The following PCBP2 variants were observed in gnomAD, a reference collection of about 807,000 sequenced individuals.
PCBP2 encodes the protein poly(rC)-binding protein 2.
PCBP2 carries 4 observed loss-of-function variants against 50.1 expected under a neutral mutation model. The ratio of observed to expected loss-of-function variants is 0.08; its 90% CI spans 0.04 to 0.18. The LOEUF is 0.18. Ranked by LOEUF, PCBP2 falls within the 10% of genes least tolerant of loss-of-function variation. PCBP2 has a pLI of 1.00. For missense variants in PCBP2, 161 were observed against 474.3 expected, an observed-to-expected ratio of 0.34 and a Z score of 6.14; for synonymous variants, 179 against 168.0, an observed-to-expected ratio of 1.07 and a Z score of -0.51.
intron 6 of PCBP2, chr12:53,460,414 C>T (rs757684601): frequency 2.2e-5 from 8 of 368,716 alleles, no homozygotes; most frequent in Admixed American, 9.5e-5. Context: ...CCAAAGTGCT[C>T]GGATTACAGA....
intron 10 of PCBP2, 127 bp from the exon 11 acceptor site, chr12:53,467,094 C>T: frequency 4.5e-6 from 3 of 668,578 alleles, no homozygotes; most frequent in Admixed American, 5.0e-5. Flanking sequence ...CCCATCCCTA[C>T]CCTCTGTTGT....
intron 7 of PCBP2, among the ~76,000 whole-genome samples, chr12:53,461,562 A>C (rs1312410295): frequency 1.3e-5 from 2 of 152,148 alleles, no homozygotes; most frequent in Non-Finnish European, 2.9e-5. Context: ...AGAGTAGAAA[A>C]ATGTATGTAT....
At chr12:53,469,760 CTT>C (rs71444805) in intron 13 of PCBP2, among the ~76,000 whole-genome samples, 8 of 114,140 alleles carry the variant, frequency 7.0e-5, no homozygotes, top group African/African-American at 1.0e-4. Context: ...ACATTTGCTG[CTT>C]TTTTTTTTTT....
At chr12:53,462,081 T>C (rs1399518355) in intron 7 of PCBP2, among the ~76,000 whole-genome samples, 7 of 152,246 alleles carry the variant, frequency 4.6e-5, no homozygotes, top group African/African-American at 1.7e-4. Flanking sequence ...AGATAGTGTC[T>C]GTATTATTCT....
Position 53,479,935 on chromosome 12 carries a change from A to G in PCBP2, c.*493A>G, listed in dbSNP as rs1231833157. 1 of 152,154 alleles carries G rather than the reference A, an allele frequency of 6.6e-6. No homozygotes were observed. Among genetic ancestry groups the G allele is most frequent in the Non-Finnish European group, 1.5e-5 (1 of 68,108 alleles). The allele number at this position is 152,154 out of a possible 1,614,324, so 9.4% of individuals were successfully genotyped here. On this transcript the variant is annotated 3_prime_UTR_variant, in exon 15 of 15. Transcript: ENST00000546463. ...TGAATGGAAGCCTTTATTCCGGTTA[A>G]GATGTTTTCTTCTATTTTACCACTT...
intron 5 of PCBP2, among the ~76,000 whole-genome samples, chr12:53,456,763 A>G (rs1357221745): frequency 1.3e-5 from 2 of 152,142 alleles, no homozygotes; most frequent in African/African-American, 4.8e-5. Flanking sequence ...TTTTTCCCCC[A>G]CCAACCTTCA....
At chr12:53,463,032 C>T (rs539002334) in intron 8 of PCBP2, among the ~76,000 whole-genome samples, 71 of 152,322 alleles carry the variant, frequency 4.7e-4, no homozygotes, top group Non-Finnish European at 8.5e-4. Context: ...TACCCCTTCA[C>T]TCCCAAACTC....
chr12:53,461,190 G>A, intron 7 of PCBP2, 47 bp downstream of exon 7: 3 of 1,598,604 alleles, frequency 1.9e-6, no homozygotes, highest in Non-Finnish European at 2.6e-6. Context: ...GCCATTCTGG[G>A]GACAGAGGGA....
At chr12:53,468,576 T>G (rs1941979387) in intron 12 of PCBP2, 1 of 576,744 alleles carries the variant, frequency 1.7e-6, no homozygotes, top group Non-Finnish European at 3.1e-6. Flanking sequence ...CTCTTCTGAG[T>G]GTACAGAAGA....
rs1940564769 is a variant in PCBP2, at chr12:53,452,142, G to GCGCCCTCTCCCGCC, written c.-304_-291dup. 1 of 144,072 alleles carries GCGCCCTCTCCCGCC rather than the reference G, an allele frequency of 6.9e-6. No homozygotes were observed. The highest frequency in any genetic ancestry group is 1.5e-5 in the Non-Finnish European group (1 of 65,160). 8.9% of individuals were successfully genotyped at this position (144,072 alleles called of 1,614,324 possible). On this transcript the variant is annotated 5_prime_UTR_variant, in exon 1 of 15. Coordinates refer to ENST00000546463, the MANE Select transcript of PCBP2 (RefSeq NM_031989.5). ...GCAGCAGCCGGAGCAGCCGCAGCCT[G>GCGCCCTCTCCCGCC]CGCCCTCTCCCGCCCGCCCGCCCTC...
At chr12:53,479,264 C>A in intron 14 of PCBP2, 142 bp from the exon 15 acceptor site, 1 of 711,184 alleles carries the variant, frequency 1.4e-6, no homozygotes, top group Non-Finnish European at 2.5e-6. Flanking sequence ...GATCATGGTA[C>A]TGGTAAATTT....
intron 10 of PCBP2, 45 bp downstream of exon 10, chr12:53,466,018 A>G: frequency 6.4e-7 from 1 of 1,567,894 alleles, no homozygotes; most frequent in Non-Finnish European, 8.8e-7. Context: ...TCCCTCTCCC[A>G]TCCAAAATTG....
chr12:53,475,411 G>A (rs1260621928), intron 14 of PCBP2: 2 of 321,888 alleles, frequency 6.2e-6, no homozygotes, highest in African/African-American at 2.2e-5. Flanking sequence ...CCTGTTTCAG[G>A]GTCTGACTTG....
At position 53,479,510 on chromosome 12, in the gene PCBP2, T is replaced by C; in HGVS notation, c.*68T>C. 5.8e-6 allele frequency: 8 copies of C among 1,384,146 alleles called. No individual in the cohort carries two copies. The highest frequency in any genetic ancestry group is 8.2e-6 in the Non-Finnish European group (8 of 974,230). 85.7% of individuals were successfully genotyped at this position (1,384,146 alleles called of 1,614,324 possible). ...CCACCCATGATCCATCTGTGTAGTT[T>C]CTGAACAGTCAGCGATTCCAGGTTT... On this transcript the variant is annotated 3_prime_UTR_variant, in exon 15 of 15. Coordinates refer to ENST00000546463, the MANE Select transcript of PCBP2 (RefSeq NM_031989.5).
At chr12:53,456,949 C>A (rs1354040678) in intron 5 of PCBP2, among the ~76,000 whole-genome samples, 1 of 152,154 alleles carries the variant, frequency 6.6e-6, no homozygotes, top group East Asian at 1.9e-4. Context: ...TACCTTTTGA[C>A]CCCCGGGATT....
At chr12:53,466,169 C>A (rs972120023) in intron 10 of PCBP2, among the ~76,000 whole-genome samples, 196 bp downstream of exon 10, 1 of 152,150 alleles carries the variant, frequency 6.6e-6, no homozygotes, top group African/African-American at 2.4e-5. Context: ...AACATTTAAC[C>A]CCTGAAATTT....
chr12:53,462,481 ACT>A lies in PCBP2; in HGVS notation c.505-6_505-5del, dbSNP rs768435241. ...TCTCTTTTTGTTTTTTTCCCCTCTGACTCTCTCCCAGTCCCCCCCGAAGGGCG... is the reference window on the plus strand; with the variant it reads ...TCTCTTTTTGTTTTTTTCCCCTCTGACTCTCCCAGTCCCCCCCGAAGGGCG... On this transcript the variant is annotated splice_polypyrimidine_tract_variant and intron_variant, in intron 7 of 14. Coordinates refer to ENST00000546463, the MANE Select transcript of PCBP2 (RefSeq NM_031989.5). The A allele has an allele frequency of 6.2e-7, 1 of 1,601,554 alleles. No individual in the cohort carries two copies. Among genetic ancestry groups the A allele is most frequent in the Non-Finnish European group, 8.5e-7 (1 of 1,171,968 alleles).
chr12:53,478,213 T>TAA (rs897527200), intron 14 of PCBP2, among the ~76,000 whole-genome samples: 8 of 152,334 alleles, frequency 5.3e-5, no homozygotes, highest in African/African-American at 1.9e-4. Context: ...GAAAACTTTT[T>TAA]AAAGAACTTT....
chr12:53,454,504 CCT>C, intron 1 of PCBP2: 1 of 340,906 alleles, frequency 2.9e-6, no homozygotes, highest in Non-Finnish European at 5.5e-6. Context: ...CAGCGGAAAC[CCT>C]GTCATTAATG....
Sources: gnomAD v4.1 joint callset for allele counts (sites outside exome capture counted in the v4.1 genomes callset) on GRCh38, gnomAD v4.1.1 for gene constraint, MANE v1.5 for transcripts, NCBI Gene and HGNC (gene_info 2026-07-23, HGNC 2026-07-21) for gene names.